Variants in EML6 observed in about 807,000 individuals in gnomAD.
EML6 encodes the protein EMAP like 6.
EML6 carries 154 observed loss-of-function variants against 240.1 expected under a neutral mutation model. The observed-to-expected ratio is 0.64, with a 90% CI of 0.56 to 0.73. The LOEUF is 0.73. Ranked by LOEUF, EML6 falls within the 30% of genes least tolerant of loss-of-function variation. The pLI, the probability that EML6 is intolerant of heterozygous loss-of-function variation, is 0.00. For missense variants in EML6, 2,964 were observed against 2,474.6 expected, an observed-to-expected ratio of 1.20 and a Z score of -4.20; for synonymous variants, 1,148 against 899.0, an observed-to-expected ratio of 1.28 and a Z score of -4.95.
rs765183618 is a variant in EML6 at position 54,774,932 on chromosome 2, A to T, written c.198-38300A>T. Among the ~76,000 whole-genome samples the T allele has an allele frequency of 7.2e-5, 11 of 152,350 alleles. No homozygotes were observed. Among genetic ancestry groups the T allele is most frequent in the Non-Finnish European group, 1.3e-4 (9 of 68,020 alleles). ...GTGCTTACAACATGTAAAATTCTGT[A>T]TTGTTGACATTCATTACTTTTGTTA... On this transcript the variant is annotated intron_variant, in intron 2 of 41. Coordinates refer to ENST00000356458, the MANE Select transcript of EML6 (RefSeq NM_001039753.4). The surrounding 1 kb of genome is among the most constrained non-coding windows in gnomAD (Gnocchi z 4.1).
intron 28 of EML6, among the ~76,000 whole-genome samples, chr2:54,930,630 C>G (rs1454505505): frequency 3.3e-5 from 5 of 151,864 alleles, no homozygotes; most frequent in Non-Finnish European, 7.4e-5. Context: ...GTGAAGAAAA[C>G]AATTTTAAGA....
intron 2 of EML6, among the ~76,000 whole-genome samples, chr2:54,768,168 T>C (rs775607928): frequency 8.2e-5 from 12 of 146,460 alleles, no homozygotes; most frequent in Non-Finnish European, 1.8e-4. Flanking sequence ...TCAGAAAAAC[T>C]TTTTTTTTTT....
In EML6 at chr2:54,844,222, G is replaced by A; in HGVS notation, c.1023G>A (p.Val341=). ...LALHPKKPLA[V]TGSDDRSVRL... ...TGCACCCCAAGAAGCCTCTGGCTGT[G>A]ACAGGCAGCGATGACCGCTCTGTCA... The change falls in exon 8 of 42, where the codon GTG becomes GTA. Residue 341 remains valine (V), a synonymous_variant. Coordinates refer to ENST00000356458, the MANE Select transcript of EML6 (RefSeq NM_001039753.4). 6.4e-7 allele frequency: 1 copy of A among 1,551,676 alleles called. No individual in the cohort carries two copies. Among genetic ancestry groups the A allele is most frequent in the Non-Finnish European group, 8.7e-7 (1 of 1,146,986 alleles).
At chr2:54,958,433 C>A (rs1676336442) in intron 33 of EML6, among the ~76,000 whole-genome samples, 1 of 152,004 alleles carries the variant, frequency 6.6e-6, no homozygotes, top group South Asian at 2.1e-4. Context: ...CTCAGGTGAT[C>A]CGCCTGCCTC....
chr2:54,884,071 C>T (rs965232019), intron 17 of EML6, among the ~76,000 whole-genome samples: 5 of 152,172 alleles, frequency 3.3e-5, no homozygotes, highest in African/African-American at 1.2e-4. Context: ...TCTCTAGTTC[C>T]GTTCTATTCT....
intron 28 of EML6, among the ~76,000 whole-genome samples, chr2:54,946,690 G>T (rs897453464): frequency 1.3e-5 from 2 of 152,106 alleles, no homozygotes; most frequent in African/African-American, 4.8e-5. Context: ...TATTCACACC[G>T]CTCTGGAGAC....
chr2:54,875,409 C>T (rs1671454541), intron 16 of EML6, among the ~76,000 whole-genome samples: 1 of 152,194 alleles, frequency 6.6e-6, no homozygotes, highest in African/African-American at 2.4e-5. Flanking sequence ...TTAGCTAGTG[C>T]TCCATCTGTG....
chr2:54,735,770 A>G (rs1044339389), intron 2 of EML6, among the ~76,000 whole-genome samples: 1 of 152,260 alleles, frequency 6.6e-6, no homozygotes, highest in Non-Finnish European at 1.5e-5. Context: ...CTTTTAAGCA[A>G]CTTTTGAAAA....
At chr2:54,830,769 G>C (rs1184869332) in intron 7 of EML6, among the ~76,000 whole-genome samples, 2 of 152,196 alleles carry the variant, frequency 1.3e-5, no homozygotes, top group Non-Finnish European at 2.9e-5. Flanking sequence ...TGTACTTCCT[G>C]TTTATACCTG....
At chr2:54,813,529 G>C (rs1245984688) in intron 3 of EML6, 138 bp downstream of exon 3, 2 of 767,970 alleles carry the variant, frequency 2.6e-6, no homozygotes, top group Non-Finnish European at 4.2e-6. Flanking sequence ...TTTTTCACCT[G>C]TTTTTTCCCC....
chr2:54,820,545 C>A, intron 5 of EML6, 83 bp downstream of exon 5: 1 of 801,540 alleles, frequency 1.2e-6, no homozygotes, highest in Non-Finnish European at 2.0e-6. Flanking sequence ...TGTTGAGAGA[C>A]TGCTAGACTT....
rs771937819 is a variant in EML6 at position 54,850,197 on chromosome 2, C to T, written c.1423C>T (p.Arg475Ter). ...YLQTNDGAGE[R>*]LFYRMPSGKP... ...ACAAACTAATGACGGTGCAGGAGAACGATTGTTCTACAGAATGCCATGTAA... is the reference window on the plus strand; with the variant it reads ...ACAAACTAATGACGGTGCAGGAGAATGATTGTTCTACAGAATGCCATGTAA... Residue 475 changes from arginine (R) to a stop codon, truncating the protein, a stop_gained, in exon 10 of 42, where the codon CGA (arginine) becomes TGA (stop). Coordinates refer to ENST00000356458, the MANE Select transcript of EML6 (RefSeq NM_001039753.4). LOFTEE classifies it high-confidence loss of function. The T allele has an allele frequency of 3.9e-6, 6 of 1,551,550 alleles. No homozygotes were observed. The highest frequency in any genetic ancestry group is 1.2e-5 in the South Asian group (1 of 84,040).
chr2:54,877,226 C>A (rs1456320302), intron 16 of EML6, among the ~76,000 whole-genome samples: 1 of 152,128 alleles, frequency 6.6e-6, no homozygotes, highest in Non-Finnish European at 1.5e-5. Flanking sequence ...TCAAGGGATT[C>A]ACCTGCCTCA....
chr2:54,813,988 T>C (rs372187335), intron 3 of EML6, among the ~76,000 whole-genome samples: 6 of 152,258 alleles, frequency 3.9e-5, no homozygotes, highest in African/African-American at 1.4e-4. Flanking sequence ...GTCAGTGTCA[T>C]GTCTGACTTA....
At chr2:54,793,726 TA>T (rs1170595566) in intron 2 of EML6, among the ~76,000 whole-genome samples, 3 of 152,230 alleles carry the variant, frequency 2.0e-5, no homozygotes, top group Non-Finnish European at 4.4e-5. Flanking sequence ...GGTGACTACA[TA>T]AGTGTTGTGG....
chr2:54,789,777 T>C (rs544028067), intron 2 of EML6, among the ~76,000 whole-genome samples: 1 of 152,304 alleles, frequency 6.6e-6, no homozygotes, highest in South Asian at 2.1e-4. Flanking sequence ...ATGGTCCTAA[T>C]AGGTAGAATA....
chr2:54,929,357 T>C (rs908513848), intron 28 of EML6, among the ~76,000 whole-genome samples: 3 of 152,236 alleles, frequency 2.0e-5, no homozygotes, highest in Non-Finnish European at 4.4e-5. Flanking sequence ...TGTGCTGTTA[T>C]AAGTATTGAC....
chr2:54,907,891 TTAGATAGATTAGATAGATAGATAGA>T (rs1283505699), intron 24 of EML6, among the ~76,000 whole-genome samples: 1 of 149,140 alleles, frequency 6.7e-6, no homozygotes, highest in African/African-American at 2.5e-5. Context: ...ATTAGATAGA[TTAGATAGATTAGATAGATAGATAGA>T]TAGATAGATA....
rs574973164 is a variant in EML6, at chr2:54,896,424, T to C, written c.2982+1024T>C. Among the ~76,000 whole-genome samples, 10 of 152,262 alleles carry C rather than the reference T, an allele frequency of 6.6e-5. No individual in the cohort carries two copies. The East Asian group carries it at 1.7e-3, about 26-fold the overall frequency. ...CCTCAAAAGTCATATTTAGGTAAAA[T>C]TGAACTAAAATAAATGTAACAGAAC... is the stretch of plus-strand genomic sequence containing the variant. On this transcript the variant is annotated intron_variant, in intron 21 of 41. Transcript: ENST00000356458.
Sources: gnomAD v4.1 joint callset for allele counts (sites outside exome capture counted in the v4.1 genomes callset) on GRCh38, gnomAD v4.1.1 for gene constraint, Gnocchi (gnomAD v3.1) non-coding constraint, MANE v1.5 for transcripts, NCBI Gene and HGNC (gene_info 2026-07-23, HGNC 2026-07-21) for gene names.